Variants in M1AP observed in about 807,000 individuals in gnomAD.
M1AP encodes meiosis 1 arrest protein.
M1AP carries 39 observed loss-of-function variants against 51.2 expected under a neutral mutation model. The ratio of observed to expected loss-of-function variants is 0.76; its 90% CI spans 0.59 to 1.00. The LOEUF is 1.00. M1AP is among the 50% of genes least tolerant of loss of function. The pLI is 0.00. For synonymous variants in M1AP, 251 were observed against 249.2 expected (o/e 1.01, Z -0.07); for missense variants, 545 against 641.2 (o/e 0.85, Z 1.62).
chr2:74,569,174 A>C lies in M1AP; in HGVS notation c.1074+6264T>G, dbSNP rs142732260. Reference sequence around the variant, plus strand: ...GAATTTCTTCAGAGAATTAGAATCTACAAAAATGAAACAAATGGAAATTGT... The same window carrying C: ...GAATTTCTTCAGAGAATTAGAATCTCCAAAAATGAAACAAATGGAAATTGT... On this transcript the variant is annotated intron_variant, in intron 7 of 10. Transcript: ENST00000421985. Among the ~76,000 whole-genome samples, 1,506 of 152,318 alleles carry C rather than the reference A, an allele frequency of 9.9e-3. 29 individuals are homozygous for C. Among genetic ancestry groups the C allele is most frequent in the African/African-American group, 0.034 (1,427 of 41,564 alleles).
chr2:74,584,619 T>C (rs1267038661), intron 4 of M1AP, among the ~76,000 whole-genome samples: 1 of 151,316 alleles, frequency 6.6e-6, no homozygotes, highest in Non-Finnish European at 1.5e-5. Context: ...CCACAGGCAA[T>C]GTGAGGGAGC....
chr2:74,609,738 T>C (rs1408891980), intron 3 of M1AP, among the ~76,000 whole-genome samples: 1 of 152,244 alleles, frequency 6.6e-6, no homozygotes, highest in Non-Finnish European at 1.5e-5. Flanking sequence ...TTAAATCTTT[T>C]ATATAGTAGC....
intron 4 of M1AP, among the ~76,000 whole-genome samples, chr2:74,584,805 CATATATAT>C (rs57709358): frequency 7.2e-6 from 1 of 139,298 alleles, no homozygotes; most frequent in African/African-American, 2.6e-5. Flanking sequence ...ATGTTATTGC[CATATATAT>C]ATATATATAT....
intron 2 of M1AP, among the ~76,000 whole-genome samples, chr2:74,629,312 T>C (rs1682572078): frequency 6.6e-6 from 1 of 152,204 alleles, no homozygotes; most frequent in African/African-American, 2.4e-5. Flanking sequence ...AGGTAAACCA[T>C]CCCTAATCTA....
chr2:74,573,798 G>A (rs1678895203), intron 7 of M1AP, among the ~76,000 whole-genome samples: 1 of 151,934 alleles, frequency 6.6e-6, no homozygotes, highest in Non-Finnish European at 1.5e-5. Flanking sequence ...CCCAGCAAAA[G>A]GAAAGGGTAT....
chr2:74,606,829 CA>C (rs1681034553), intron 4 of M1AP, among the ~76,000 whole-genome samples: 1 of 151,970 alleles, frequency 6.6e-6, no homozygotes, highest in South Asian at 2.1e-4. Flanking sequence ...TTTAAGAACA[CA>C]AAAAGACCAT....
In M1AP at chr2:74,640,103, G is replaced by A; in HGVS notation, c.173C>T (p.Pro58Leu). 6.2e-7 allele frequency: 1 copy of A among 1,614,170 alleles called. No homozygotes were observed. Among genetic ancestry groups the A allele is most frequent in the South Asian group, 1.1e-5 (1 of 91,084 alleles). Residue 58 changes from proline to leucine, a missense_variant, in exon 2 of 11, where the codon CCC (proline) becomes CTC (leucine). By Grantham distance (98) the Pro-to-Leu change is moderately conservative (BLOSUM62 -3). Transcript: ENST00000421985. ...FFSLACSLMG[P>L]SRMSLFSLYM... ...TAAACTGAACAGGGACATGCGGCTG[G>A]GGCCCATCAAGCTGCAGGCTAGAGA...
Position 74,576,586 on chromosome 2 carries a change from G to A in M1AP, c.802C>T (p.Leu268Phe). 1 of 1,614,148 alleles carries A rather than the reference G, an allele frequency of 6.2e-7. No homozygotes were observed. Among genetic ancestry groups the A allele is most frequent in the African/African-American group, 1.3e-5 (1 of 75,070 alleles). Residue 268 changes from leucine to phenylalanine, a missense_variant, in exon 6 of 11, where the codon CTC becomes TTC. Leu to Phe is a conservative substitution (Grantham distance 22). Transcript: ENST00000421985. Reference protein sequence around the residue: ...CLKCDLQERLLCPSLLAGTAD... With the variant: ...CLKCDLQERLFCPSLLAGTAD... ...GTGCCAGCGAGTAGGGATGGGCAGA[G>A]CAGTCGCTCTTGGAGATCACATTTC...
chr2:74,632,291 AG>A (rs1682749208), intron 2 of M1AP, among the ~76,000 whole-genome samples: 1 of 152,130 alleles, frequency 6.6e-6, no homozygotes, highest in South Asian at 2.1e-4. Flanking sequence ...CTCTGTAGGG[AG>A]TTGCAGTCAA....
chr2:74,568,059 C>A (rs568431477), intron 7 of M1AP, among the ~76,000 whole-genome samples: 1 of 152,310 alleles, frequency 6.6e-6, no homozygotes, highest in South Asian at 2.1e-4. Flanking sequence ...AGGACTGGTG[C>A]GTTGGCACTA....
intron 1 of M1AP, among the ~76,000 whole-genome samples, chr2:74,643,288 G>T (rs558812172): frequency 1.7e-4 from 26 of 152,130 alleles, no homozygotes; most frequent in Middle Eastern, 3.4e-3. Flanking sequence ...TCCACATACA[G>T]CAATGAAGAT....
At chr2:74,558,967 T>G in intron 10 of M1AP, 93 bp from the exon 11 acceptor site, 1 of 1,258,262 alleles carries the variant, frequency 7.9e-7, no homozygotes, top group African/African-American at 1.5e-5. Context: ...AACTCTTTCC[T>G]AAGTTCATTC....
At chr2:74,634,611 G>C (rs567653498) in intron 2 of M1AP, among the ~76,000 whole-genome samples, 3 of 152,118 alleles carry the variant, frequency 2.0e-5, no homozygotes, top group Non-Finnish European at 4.4e-5. Flanking sequence ...GGAGTACTAA[G>C]AGCAGACATC....
chr2:74,575,680 G>A, intron 6 of M1AP, 101 bp from the exon 7 acceptor site: 3 of 885,408 alleles, frequency 3.4e-6, no homozygotes, highest in Non-Finnish European at 3.6e-6. Flanking sequence ...TACTGTGAAA[G>A]CTTTTAAATT....
At chr2:74,604,258 G>A (rs1433796149) in intron 4 of M1AP, among the ~76,000 whole-genome samples, 2 of 152,064 alleles carry the variant, frequency 1.3e-5, no homozygotes, top group African/African-American at 4.8e-5. Context: ...TGCTTCTCAT[G>A]TCTCTGGGTC....
At chr2:74,623,517 AAGAG>A (rs923383287) in intron 2 of M1AP, among the ~76,000 whole-genome samples, 31 of 149,048 alleles carry the variant, frequency 2.1e-4, no homozygotes, top group East Asian at 5.8e-4. Flanking sequence ...AAAAAAAAAA[AAGAG>A]AGAGAGAGAG....
At chr2:74,585,907 C>A (rs1047256850) in intron 4 of M1AP, among the ~76,000 whole-genome samples, 9 of 152,214 alleles carry the variant, frequency 5.9e-5, no homozygotes, top group African/African-American at 2.2e-4. Context: ...CTACCAGTTA[C>A]TTTTTCTGAA....
In M1AP at chr2:74,575,519, T is replaced by G. The variant is rs1558653871; in HGVS notation, c.993A>C (p.Arg331Ser). 6.2e-7 allele frequency: 1 copy of G among 1,614,024 alleles called. No individual in the cohort carries two copies. Among genetic ancestry groups the G allele is most frequent in the Non-Finnish European group, 8.5e-7 (1 of 1,180,022 alleles). ...AGTCCAGCTGCCAACAGCTTGTAGG[T>G]CTGAGGATGAACGGGAGTCCATATG... ...SLTYGLPFILRPTSCWQLDWD... is the reference protein window; with the variant it reads ...SLTYGLPFILSPTSCWQLDWD... The change falls in exon 7 of 11, where the codon AGA becomes AGC. Residue 331 changes from arginine to serine, a missense_variant. Coordinates refer to ENST00000421985, the MANE Select transcript of M1AP (RefSeq NM_001321739.2).
chr2:74,576,691 G>A (rs1246455992), intron 5 of M1AP, 73 bp from the exon 6 acceptor site: 2 of 1,526,760 alleles, frequency 1.3e-6, no homozygotes, highest in Admixed American at 3.5e-5. Flanking sequence ...AGTTACCTTA[G>A]GCTATGCCAT....
Sources: allele counts gnomAD v4.1 joint callset (sites outside exome capture counted in the v4.1 genomes callset), GRCh38; gene constraint gnomAD v4.1.1; transcripts MANE v1.5; gene names NCBI Gene and HGNC (gene_info 2026-07-23, HGNC 2026-07-21).